RFX3: variants seen among roughly 807,000 people sequenced by gnomAD.
RFX3 encodes the protein transcription factor RFX3.
In RFX3, 14 loss-of-function variants were observed where a neutral mutation model predicts 98.6. The ratio of observed to expected loss-of-function variants is 0.14; its 90% confidence interval spans 0.09 to 0.22. The LOEUF (loss-of-function observed/expected upper bound fraction) is 0.22. Among genes scored for constraint, RFX3 ranks in the 10% least tolerant of loss-of-function variants. The pLI is 1.00. For synonymous variants in RFX3, 383 were observed against 328.4 expected (o/e 1.17, Z -1.80); for missense variants, 639 against 926.9 (o/e 0.69, Z 4.03).
chr9:3,339,528 T>G (rs1013858317), intron 3 of RFX3, among the ~76,000 whole-genome samples: 2 of 152,174 alleles, frequency 1.3e-5, no homozygotes, highest in Non-Finnish European at 2.9e-5. Context: ...TTTCCCTGTG[T>G]ACTTAAAGCC....
intron 1 of RFX3, among the ~76,000 whole-genome samples, chr9:3,443,855 T>C (rs759921266): frequency 1.2e-4 from 18 of 152,326 alleles, no homozygotes; most frequent in Non-Finnish European, 2.4e-4. Flanking sequence ...CTCCGCAACC[T>C]TGCCAGCAGC....
intron 1 of RFX3, among the ~76,000 whole-genome samples, chr9:3,430,616 T>C (rs575347060): frequency 4.0e-4 from 61 of 152,312 alleles, no homozygotes; most frequent in African/African-American, 1.1e-3. Context: ...CTTGCCATAA[T>C]TGTGTCCATC....
At chr9:3,252,658 T>A (rs191702215) in intron 14 of RFX3, among the ~76,000 whole-genome samples, 2 of 152,126 alleles carry the variant, frequency 1.3e-5, no homozygotes, top group Middle Eastern at 3.2e-3. Flanking sequence ...ATGACTCTAG[T>A]GGCTGGACTG....
intron 6 of RFX3, 101 bp downstream of exon 6, chr9:3,292,976 A>G: frequency 1.1e-6 from 1 of 901,324 alleles, no homozygotes; most frequent in Admixed American, 2.5e-5. Context: ...GTATTTCCTT[A>G]TATATTGTCT....
At chr9:3,328,182 T>C (rs1832147130) in intron 4 of RFX3, among the ~76,000 whole-genome samples, 1 of 152,144 alleles carries the variant, frequency 6.6e-6, no homozygotes, top group South Asian at 2.1e-4. Flanking sequence ...CGTTTTTCAG[T>C]TTTCCTAAGG....
chr9:3,361,351 G>T (rs764172700), intron 2 of RFX3, among the ~76,000 whole-genome samples: 5 of 152,092 alleles, frequency 3.3e-5, no homozygotes, highest in Non-Finnish European at 7.4e-5. Context: ...TGAAGCAATT[G>T]AGGAAAGAGA....
chr9:3,270,229 G>T, intron 11 of RFX3, 142 bp downstream of exon 11: 2 of 721,712 alleles, frequency 2.8e-6, no homozygotes, highest in Admixed American at 6.1e-5. Flanking sequence ...CTGCTTTCAC[G>T]CAATATTCTG....
intron 2 of RFX3, among the ~76,000 whole-genome samples, chr9:3,353,750 C>G (rs563473319): frequency 6.6e-6 from 1 of 151,940 alleles, no homozygotes; most frequent in East Asian, 1.9e-4. Context: ...TCCAGACTTA[C>G]AATACCATAA....
At position 3,224,928 on chromosome 9, in the gene RFX3, T is replaced by C. The variant is rs1817600036; in HGVS notation, c.*114A>G. 1 of 1,035,994 alleles carries C rather than the reference T, an allele frequency of 9.7e-7. No homozygotes were observed. Among genetic ancestry groups the C allele is most frequent in the South Asian group, 1.6e-5 (1 of 61,540 alleles). 64.2% of individuals were successfully genotyped at this position (1,035,994 alleles called of 1,614,324 possible). ...CCATTTCACAACTCCAAAAAGTTAA[T>C]GTTCAGCACAGATAGAATTTGACAA... On this transcript the variant is annotated 3_prime_UTR_variant, in exon 17 of 17. Transcript: ENST00000617270.
At chr9:3,422,834 A>G (rs748011524) in intron 1 of RFX3, among the ~76,000 whole-genome samples, 1 of 152,180 alleles carries the variant, frequency 6.6e-6, no homozygotes, top group Admixed American at 6.5e-5. Flanking sequence ...AGAAGGAGAA[A>G]TGTATTTCAG....
chr9:3,348,256 G>A (rs1834677664), intron 2 of RFX3, among the ~76,000 whole-genome samples: 1 of 152,048 alleles, frequency 6.6e-6, no homozygotes, highest in African/African-American at 2.4e-5. Context: ...GGTATATGTT[G>A]GGGCTTGAAC....
At chr9:3,256,560 T>C (rs927204823) in intron 14 of RFX3, among the ~76,000 whole-genome samples, 2 of 152,150 alleles carry the variant, frequency 1.3e-5, no homozygotes, top group African/African-American at 2.4e-5. Context: ...TTCCAATTGA[T>C]AGTGGTGCTA....
In RFX3 at chr9:3,525,870, G is replaced by C; in HGVS notation, c.-132C>G. 1 of 985,610 alleles carries C rather than the reference G, an allele frequency of 1.0e-6. No individual in the cohort carries two copies. Among genetic ancestry groups the C allele is most frequent in the Non-Finnish European group, 1.2e-6 (1 of 829,994 alleles). The allele number at this position is 985,610 out of a possible 1,614,324, so 61.1% of individuals were successfully genotyped here. On this transcript the variant is annotated 5_prime_UTR_variant, in exon 1 of 17. Transcript: ENST00000617270. The stretch of plus-strand genomic sequence containing the variant: ...TGTTGTTGATGGGTAACAGTCGCCA[G>C]GACTACGGTGACTATGGCGCTTGAT...
At chr9:3,312,714 T>G (rs1370446392) in intron 4 of RFX3, among the ~76,000 whole-genome samples, 3 of 152,090 alleles carry the variant, frequency 2.0e-5, no homozygotes, top group African/African-American at 7.2e-5. Flanking sequence ...ACCAGGAGAT[T>G]ATATCTCATG....
intron 1 of RFX3, among the ~76,000 whole-genome samples, chr9:3,460,746 C>G (rs1324069256): frequency 6.6e-6 from 1 of 151,800 alleles, no homozygotes; most frequent in Non-Finnish European, 1.5e-5. Flanking sequence ...CTACACATGC[C>G]CACTATCAAA....
chr9:3,504,281 C>A (rs60668858), intron 1 of RFX3, among the ~76,000 whole-genome samples: 2 of 125,118 alleles, frequency 1.6e-5, no homozygotes, highest in African/African-American at 6.5e-5. Context: ...TTGTATATAA[C>A]ATATAAAATA....
At chr9:3,300,264 A>G (rs2130014114) in intron 5 of RFX3, among the ~76,000 whole-genome samples, 2 of 151,864 alleles carry the variant, frequency 1.3e-5, no homozygotes, top group African/African-American at 4.8e-5. Flanking sequence ...AACTCTTTCA[A>G]AAGGAAGGGC....
At chr9:3,246,953 G>C (rs1820755720) in intron 15 of RFX3, 2 of 577,286 alleles carry the variant, frequency 3.5e-6, no homozygotes, top group East Asian at 1.4e-4. Context: ...ATTTATACTA[G>C]AATATTAGGG....
chr9:3,361,661 GAAA>G (rs71324242), intron 2 of RFX3, among the ~76,000 whole-genome samples: 276 of 87,792 alleles, frequency 3.1e-3, no homozygotes, highest in African/African-American at 9.7e-3. Context: ...GTTTCTTTAG[GAAA>G]AAAAAAAAAA....
Sources: allele counts gnomAD v4.1 joint callset (sites outside exome capture counted in the v4.1 genomes callset), GRCh38; gene constraint gnomAD v4.1.1; transcripts MANE v1.5; gene names NCBI Gene and HGNC (gene_info 2026-07-23, HGNC 2026-07-21).